The following CD72 variants were observed in gnomAD, a reference collection of about 807,000 sequenced individuals.
CD72 encodes the protein B-cell differentiation antigen CD72.
A neutral mutation model predicts 50.7 loss-of-function variants in CD72; 28 were observed. The observed-to-expected ratio is 0.55, with a 90% confidence interval of 0.41 to 0.76. CD72 has a LOEUF of 0.76. Among genes scored for constraint, CD72 ranks in the 30% least tolerant of loss-of-function variants. The pLI, the probability that CD72 is intolerant of heterozygous loss-of-function variation, is 0.00. For synonymous variants in CD72, 176 were observed against 171.2 expected (o/e 1.03, Z -0.22); for missense variants, 403 against 420.6 (o/e 0.96, Z 0.37).
At chr9:35,646,467 A>T (rs1823394053) in exon 1 of CD72, 1 of 152,280 alleles carries the variant, frequency 6.6e-6, no homozygotes, top group African/African-American at 2.4e-5. Flanking sequence ...AGGGTGTGGC[A>T]AGGGGGGGCC....
At chr9:35,616,902 C>G (rs778187091) in intron 3 of CD72, 29 of 1,205,068 alleles carry the variant, frequency 2.4e-5, no homozygotes, top group Non-Finnish European at 3.2e-5. Flanking sequence ...GGTGGGGACT[C>G]GGGGGCGTTA....
chr9:35,634,550 G>T lies in CD72; in HGVS notation n.408+11853C>A, dbSNP rs188413694. ...GTATTTTTAGTAGAGACAGGGTTTC[G>T]CCATGTTGGCCAGGCTGGTTTTGAA... On this transcript the variant is annotated intron_variant and non_coding_transcript_variant, in intron 1 of 3. Coordinates refer to the CD72 transcript ENST00000465754. Among the ~76,000 whole-genome samples, 314 of 152,170 alleles carry T rather than the reference G, an allele frequency of 2.1e-3. 1 individual carries two copies. The highest frequency in any genetic ancestry group is 2.2e-3 in the Non-Finnish European group (151 of 67,990).
chr9:35,612,784 TTGA>T lies in CD72; in HGVS notation c.834+61_834+63del, dbSNP rs139510229. On this transcript the variant is annotated intron_variant, in intron 6 of 8. Coordinates refer to ENST00000259633, the MANE Select transcript of CD72 (RefSeq NM_001782.3). Reference sequence around the variant, plus strand: ...CCATGTGTGCACTGCCATTCCTGACTTGATGACATATGTCCCTTTACCTAATAG... The same window carrying T: ...CCATGTGTGCACTGCCATTCCTGACTTGACATATGTCCCTTTACCTAATAG... 5,823 of 1,499,714 alleles carry T rather than the reference TTGA, an allele frequency of 3.9e-3. 183 individuals carry two copies. The African/African-American group carries it at 0.066, about 17-fold the overall frequency. The allele number at this position is 1,499,714 out of a possible 1,614,324, so 92.9% of individuals were successfully genotyped here.
In CD72 at chr9:35,618,385, A is replaced by C; in HGVS notation, c.-82T>G. Reference sequence around the variant, plus strand: ...CCCCTCTCGTCTCTGTCCGTTTACAACTAGGCTCTGTGTTCCCTCTGTGAC... The same window carrying C: ...CCCCTCTCGTCTCTGTCCGTTTACACCTAGGCTCTGTGTTCCCTCTGTGAC... On this transcript the variant is annotated 5_prime_UTR_variant, in exon 1 of 9. Transcript: ENST00000259633. 6.3e-7 allele frequency: 1 copy of C among 1,592,814 alleles called. No individual in the cohort carries two copies. Among genetic ancestry groups the C allele is most frequent in the Non-Finnish European group, 8.6e-7 (1 of 1,169,508 alleles).
At chr9:35,613,397 A>T (rs141870465) in intron 5 of CD72, among the ~76,000 whole-genome samples, 1 of 152,024 alleles carries the variant, frequency 6.6e-6, no homozygotes, top group South Asian at 2.1e-4. Context: ...CAAGCAGAAA[A>T]TGTTGTGTAC....
chr9:35,613,331 C>T (rs972820549), intron 5 of CD72, among the ~76,000 whole-genome samples: 1 of 152,092 alleles, frequency 6.6e-6, no homozygotes, highest in African/African-American at 2.4e-5. Context: ...GCACCCCTCA[C>T]TGCACATCCT....
intron 1 of CD72, among the ~76,000 whole-genome samples, chr9:35,641,470 T>C (rs556340475): frequency 6.6e-6 from 1 of 152,200 alleles, no homozygotes; most frequent in Non-Finnish European, 1.5e-5. Context: ...AAATAATAAT[T>C]TGGCCATCTG....
rs1271819958 is a variant in CD72 at position 35,617,245 on chromosome 9, C to T, written c.193G>A (p.Val65Ile). ...ASSVLGDKAA[V>I]KSEQPTASWR... is the part of the protein sequence containing the mutation. ...GACGCAGTTGGCTGCTCCGACTTGA[C>T]CGCTGTCGAGGGGAGCATCCAGTGT... Residue 65 changes from valine (V) to isoleucine (I), a missense_variant and splice_region_variant, in exon 3 of 9, where the codon GTC (valine) becomes ATC (isoleucine). Val to Ile is a conservative substitution (Grantham distance 29). Coordinates refer to ENST00000259633, the MANE Select transcript of CD72 (RefSeq NM_001782.3). The T allele has an allele frequency of 1.3e-6, 2 of 1,552,164 alleles. No individual in the cohort carries two copies. Among genetic ancestry groups the T allele is most frequent in the Non-Finnish European group, 1.7e-6 (2 of 1,147,966 alleles).
upstream of CD72, chr9:35,618,415 C>A: frequency 6.4e-7 from 1 of 1,554,662 alleles, no homozygotes; most frequent in Non-Finnish European, 8.7e-7. Flanking sequence ...TGTGACTGCA[C>A]GGCTTAGCAA....
intron 1 of CD72, among the ~76,000 whole-genome samples, chr9:35,636,415 C>A (rs1587908832): frequency 6.6e-6 from 1 of 151,996 alleles, no homozygotes; most frequent in Admixed American, 6.5e-5. Context: ...GGAACCAGAA[C>A]AACTAAGTAG....
At chr9:35,634,954 G>A (rs1438555629) in intron 1 of CD72, among the ~76,000 whole-genome samples, 1 of 152,138 alleles carries the variant, frequency 6.6e-6, no homozygotes, top group African/African-American at 2.4e-5. Flanking sequence ...GGATTCATTT[G>A]TTGTTTATTA....
chr9:35,621,632 G>C (rs1218277284), upstream of CD72, among the ~76,000 whole-genome samples: 3 of 152,164 alleles, frequency 2.0e-5, no homozygotes, highest in East Asian at 1.9e-4. Context: ...TTTAGATAGA[G>C]AGATTATCCT....
chr9:35,629,124 G>A (rs1823221141), intron 1 of CD72, among the ~76,000 whole-genome samples: 1 of 151,960 alleles, frequency 6.6e-6, no homozygotes, highest in African/African-American at 2.4e-5. Context: ...CAATCTTCCT[G>A]CCTGGGCCTC....
chr9:35,623,351 G>A (rs955475605), upstream of CD72, among the ~76,000 whole-genome samples: 6 of 152,134 alleles, frequency 3.9e-5, no homozygotes, highest in Admixed American at 1.3e-4. Context: ...GGCTGTAAGC[G>A]CCTTATAAAC....
chr9:35,637,335 G>A (rs1823299963), intron 1 of CD72, among the ~76,000 whole-genome samples: 1 of 152,202 alleles, frequency 6.6e-6, no homozygotes, highest in Non-Finnish European at 1.5e-5. Context: ...ACACAGACGT[G>A]CATGGCATTT....
rs771538825 is a variant in CD72 at position 35,618,052 on chromosome 9, G to C, written c.152C>G (p.Pro51Arg). The C allele has an allele frequency of 8.7e-6, 14 of 1,613,832 alleles. No homozygotes were observed. The East Asian group carries it at 3.1e-4, about 36-fold the overall frequency. The change falls in exon 2 of 9, where the codon CCC becomes CGC. Residue 51 changes from proline to arginine, a missense_variant. Transcript: ENST00000259633. The part of the protein sequence containing the change: ...NVQVPAVLGV[P>R]SSLASSVLGD... ...TAGTACAGAAGAAGCCAAGCTTGAG[G>C]GCACCCCTAGGACTGCGGGCACTTG...
At chr9:35,643,366 C>T (rs10972542) in intron 1 of CD72, 8,240 of 152,308 alleles carry the variant, frequency 0.054, 325 homozygotes, top group Middle Eastern at 0.11. Context: ...CCATCACAGA[C>T]GCGCGTGACA....
intron 1 of CD72, among the ~76,000 whole-genome samples, chr9:35,626,013 G>A (rs1235536366): frequency 5.9e-5 from 9 of 151,966 alleles, no homozygotes; most frequent in Non-Finnish European, 8.8e-5. Flanking sequence ...TCTGTAGCCC[G>A]TGGGTCAAGA....
intron 1 of CD72, among the ~76,000 whole-genome samples, chr9:35,638,751 C>G (rs536933369): frequency 3.2e-4 from 48 of 151,510 alleles, no homozygotes; most frequent in Admixed American, 1.3e-3. Context: ...GCTTCATGAG[C>G]CAGGCCTCCA....
Sources: allele counts gnomAD v4.1 joint callset (sites outside exome capture counted in the v4.1 genomes callset), GRCh38; gene constraint gnomAD v4.1.1; transcripts MANE v1.5; gene names NCBI Gene and HGNC (gene_info 2026-07-23, HGNC 2026-07-21).